The following ABCB1 variants were observed in gnomAD, a reference collection of about 807,000 sequenced individuals.
ABCB1 encodes ATP-dependent translocase ABCB1.
In ABCB1, 69 loss-of-function variants were observed where a neutral mutation model predicts 142.0. The ratio of observed to expected loss-of-function variants is 0.49; its 90% CI spans 0.40 to 0.59. The LOEUF (loss-of-function observed/expected upper bound fraction) is 0.59, where lower values mean the gene tolerates loss of function less well. Among genes scored for constraint, ABCB1 ranks in the 20% least tolerant of loss-of-function variants. The pLI is 0.00. For synonymous variants in ABCB1, 532 were observed against 539.2 expected (o/e 0.99, Z 0.18); for missense variants, 1,326 against 1,554.7 (o/e 0.85, Z 2.47).
chr7:87,699,608 G>T (rs1828832644), intron 1 of ABCB1, among the ~76,000 whole-genome samples: 1 of 152,178 alleles, frequency 6.6e-6, no homozygotes, highest in Non-Finnish European at 1.5e-5. Flanking sequence ...GTTTCACCAT[G>T]TTGGCCAGGC....
At position 87,545,074 on chromosome 7, in the gene ABCB1, G is replaced by A. The variant is rs28381920; in HGVS notation, c.1888-75C>T. The A allele has an allele frequency of 0.052, 71,956 of 1,393,246 alleles. 2,257 individuals carry two copies. The highest frequency in any genetic ancestry group is 0.06 in the Middle Eastern group (324 of 5,370). The allele number at this position is 1,393,246 out of a possible 1,614,324, so 86.3% of individuals were successfully genotyped here. A position where few individuals can be genotyped will look rare whatever the true frequency, so the allele number is the denominator to read the frequency against. On this transcript the variant is annotated intron_variant, in intron 15 of 27. Transcript: ENST00000622132. The stretch of plus-strand genomic sequence containing the variant: ...AATGAAAGCTAATCACTGAATGTCA[G>A]CTATCAAGGAAAACAGCAATTTGTT...
chr7:87,544,072 C>T (rs768860857), intron 17 of ABCB1, 57 bp downstream of exon 17: 25 of 1,597,300 alleles, frequency 1.6e-5, no homozygotes, highest in Non-Finnish European at 1.8e-5. Context: ...GCACTTTATT[C>T]GTTCATTCTT....
At chr7:87,577,577 C>T (rs564891674) in intron 4 of ABCB1, among the ~76,000 whole-genome samples, 6 of 152,176 alleles carry the variant, frequency 3.9e-5, no homozygotes, top group Non-Finnish European at 5.9e-5. Flanking sequence ...TCCACATCCT[C>T]GCCAGCATTT....
At chr7:87,519,551 C>T in intron 22 of ABCB1, 85 bp from the exon 23 acceptor site, 1 of 1,544,654 alleles carries the variant, frequency 6.5e-7, no homozygotes, top group Non-Finnish European at 8.9e-7. Context: ...CAGTAGGGCA[C>T]AGAGGCATGA....
At chr7:87,703,890 TTTTTTTTTTTTTTTTTTTTTTTGG>T (rs1829332086) in intron 1 of ABCB1, among the ~76,000 whole-genome samples, 3 of 108,640 alleles carry the variant, frequency 2.8e-5, no homozygotes, top group Non-Finnish European at 3.8e-5. Flanking sequence ...TTTTTCTTTT[TTTTTTTTTTTTTTTTTTTTTTTGG>T]TTTTTTTTTT....
intron 1 of ABCB1, among the ~76,000 whole-genome samples, chr7:87,615,207 C>T (rs572040610): frequency 4.2e-4 from 64 of 152,262 alleles, no homozygotes; most frequent in African/African-American, 1.5e-3. Flanking sequence ...GGAAGGAGCT[C>T]TGTCTATCTT....
intron 10 of ABCB1, 70 bp downstream of exon 10, chr7:87,550,655 A>C (rs1265762690): frequency 6.4e-7 from 1 of 1,565,292 alleles, no homozygotes; most frequent in Admixed American, 1.7e-5. Context: ...GAGCTGGATA[A>C]AGTGACAAAG....
chr7:87,585,132 A>G (rs572310408), intron 4 of ABCB1, among the ~76,000 whole-genome samples: 1 of 152,306 alleles, frequency 6.6e-6, no homozygotes, highest in South Asian at 2.1e-4. Context: ...TTCTAGGGCT[A>G]AAAACTTTAG....
At chr7:87,512,863 A>G (rs1263026578) in intron 25 of ABCB1, among the ~76,000 whole-genome samples, 1 of 152,216 alleles carries the variant, frequency 6.6e-6, no homozygotes, top group Non-Finnish European at 1.5e-5. Context: ...TGCATTATCA[A>G]TAATGTCTTG....
At position 87,553,908 on chromosome 7, in the gene ABCB1, A is replaced by C; in HGVS notation, c.852T>G (p.Ala284=). 6.2e-7 allele frequency: 1 copy of C among 1,613,992 alleles called. No homozygotes were observed. Among genetic ancestry groups the C allele is most frequent in the South Asian group, 1.1e-5 (1 of 91,078 alleles). Residue 284 remains alanine (A), a synonymous_variant, in exon 9 of 28, where the codon GCT becomes GCG. Coordinates refer to ENST00000622132, the MANE Select transcript of ABCB1 (RefSeq NM_001348946.2). ...TAGCTTTCTTTATCCCAATTCTTTTAGCTTCTTCTAAATTTTTGTTGTACC... is the reference window on the plus strand; with the variant it reads ...TAGCTTTCTTTATCCCAATTCTTTTCGCTTCTTCTAAATTTTTGTTGTACC... ...LERYNKNLEE[A]KRIGIKKAIT... is the part of the protein sequence containing the mutation.
At chr7:87,551,649 T>G (rs1397943424) in intron 9 of ABCB1, among the ~76,000 whole-genome samples, 1 of 141,302 alleles carries the variant, frequency 7.1e-6, no homozygotes, top group Non-Finnish European at 1.6e-5. Context: ...TGCCACCATA[T>G]CTGGCTAATT....
intron 1 of ABCB1, among the ~76,000 whole-genome samples, chr7:87,681,496 G>A (rs183054505): frequency 2.0e-5 from 3 of 150,782 alleles, no homozygotes. Context: ...ATTAAAAGTT[G>A]TATTTACACT....
At chr7:87,696,139 A>G (rs1828475173) in intron 1 of ABCB1, among the ~76,000 whole-genome samples, 1 of 152,156 alleles carries the variant, frequency 6.6e-6, no homozygotes, top group Non-Finnish European at 1.5e-5. Context: ...TTGAAAGCAT[A>G]TTGTATACCT....
In ABCB1 at chr7:87,549,450, A is replaced by G. The variant is rs778869420; in HGVS notation, c.1623T>C (p.Ile541=). Residue 541 remains isoleucine (I), a synonymous_variant, in exon 14 of 28, where the codon ATT becomes ATC. Coordinates refer to ENST00000622132, the MANE Select transcript of ABCB1 (RefSeq NM_001348946.2). ...LSGGQKQRIA[I]ARALVRNPKI... ...TGGGGTTGCGAACCAGGGCACGTGC[A>G]ATGGCGATCCTCTGCTTCTGCCCAC... 3.1e-6 allele frequency: 5 copies of G among 1,614,078 alleles called. No individual in the cohort carries two copies. The African/African-American group carries it at 5.3e-5, about 17-fold the overall frequency.
At chr7:87,515,552 A>T in intron 24 of ABCB1, 124 bp from the exon 25 acceptor site, 1 of 651,966 alleles carries the variant, frequency 1.5e-6, no homozygotes, top group Non-Finnish European at 2.6e-6. Flanking sequence ...GCTTCACTTC[A>T]AACTGCTAGA....
chr7:87,562,791 C>G (rs1817617538), intron 7 of ABCB1, among the ~76,000 whole-genome samples: 1 of 149,430 alleles, frequency 6.7e-6, no homozygotes, highest in Non-Finnish European at 1.5e-5. Flanking sequence ...GACCCTCTAA[C>G]CTATCCTATT....
chr7:87,603,679 T>C (rs556871869), upstream of ABCB1, among the ~76,000 whole-genome samples: 14 of 152,360 alleles, frequency 9.2e-5, no homozygotes, highest in Admixed American at 3.3e-4. Context: ...TTTCCACATG[T>C]AAATCATTAA....
At chr7:87,541,496 C>A in intron 17 of ABCB1, 32 bp from the exon 18 acceptor site, 2 of 1,461,546 alleles carry the variant, frequency 1.4e-6, no homozygotes, top group South Asian at 2.3e-5. Context: ...ATTTTTAGTT[C>A]AATCAGTGAA....
At chr7:87,592,934 T>C (rs1190677723) in intron 3 of ABCB1, among the ~76,000 whole-genome samples, 1 of 151,390 alleles carries the variant, frequency 6.6e-6, no homozygotes, top group Non-Finnish European at 1.5e-5. Context: ...TAATCTTTTT[T>C]TTTTTTTTTT....
Sources: gnomAD v4.1 joint callset for allele counts (sites outside exome capture counted in the v4.1 genomes callset) on GRCh38, gnomAD v4.1.1 for gene constraint, MANE v1.5 for transcripts, NCBI Gene and HGNC (gene_info 2026-07-23, HGNC 2026-07-21) for gene names.